Variants in PCDH11X observed in about 807,000 individuals in gnomAD.
PCDH11X encodes the protein protocadherin-11 X-linked.
PCDH11X carries 18 observed loss-of-function variants against 53.3 expected under a neutral mutation model. That is an observed-to-expected ratio of 0.34 (90% CI 0.23 to 0.50). The LOEUF (loss-of-function observed/expected upper bound fraction) is 0.50, where lower values mean the gene tolerates loss of function less well. PCDH11X is among the 20% of genes least tolerant of loss of function. The pLI is 0.98. For synonymous variants in PCDH11X, 279 were observed against 393.3 expected (o/e 0.71, Z 3.44); for missense variants, 570 against 1,032.4 (o/e 0.55, Z 6.14).
At chrX:91,794,576 A>T (rs1414228350) in intron 1 of PCDH11X, among the ~76,000 whole-genome samples, 1 of 111,823 alleles carries the variant, frequency 8.9e-6, no homozygotes, top group Non-Finnish European at 1.9e-5. Flanking sequence ...CAATACACTG[A>T]GGTAAATCAT....
At chrX:92,134,122 T>A (rs1346157176) in intron 6 of PCDH11X, among the ~76,000 whole-genome samples, 1 of 111,533 alleles carries the variant, frequency 9.0e-6, no homozygotes, top group African/African-American at 3.3e-5. Context: ...TAATCATTTA[T>A]GCCTAAGTCT....
intron 8 of PCDH11X, among the ~76,000 whole-genome samples, chrX:92,271,068 A>G (rs1158240983): frequency 8.9e-6 from 1 of 112,124 alleles, no homozygotes; most frequent in Non-Finnish European, 1.9e-5. Context: ...ATAGCCAGAA[A>G]AAAACACCAT....
At chrX:91,983,542 G>A (rs749745929) in intron 6 of PCDH11X, 43 of 485,223 alleles carry the variant, frequency 8.9e-5, no homozygotes, top group Non-Finnish European at 1.4e-4. Flanking sequence ...GCTAGGAGGC[G>A]GCTATGGCCG....
At chrX:92,175,229 G>A (rs1266096174) in intron 6 of PCDH11X, among the ~76,000 whole-genome samples, 3 of 111,260 alleles carry the variant, frequency 2.7e-5, no homozygotes, top group Admixed American at 9.6e-5. Context: ...CACCCGCCTC[G>A]GCCTCCCAAA....
intron 6 of PCDH11X, among the ~76,000 whole-genome samples, chrX:91,969,796 A>G (rs1405435915): frequency 7.4e-5 from 4 of 54,075 alleles, no homozygotes; most frequent in Admixed American, 1.8e-4. Flanking sequence ...CCCTTGTCTC[A>G]AAAAAAAAAA....
At chrX:91,887,793 G>T (rs1265404779) in intron 6 of PCDH11X, among the ~76,000 whole-genome samples, 1 of 110,263 alleles carries the variant, frequency 9.1e-6, no homozygotes, top group Non-Finnish European at 1.9e-5. Context: ...TAAACATATT[G>T]TTTATTTTTA....
rs1331500136 is a variant in PCDH11X, at chrX:91,955,586, AT to A, written c.3033+76316del. Among the ~76,000 whole-genome samples, 5 of 110,776 alleles carry A rather than the reference AT, an allele frequency of 4.5e-5. No individual in the cohort carries two copies. The East Asian group carries it at 1.4e-3, about 32-fold the overall frequency. Reference sequence around the variant, plus strand: ...CATGTAGTTGTGTGGTTTTGAGTGAATTTCATAATCTTGAGTTCTAATTTGA... The same window carrying A: ...CATGTAGTTGTGTGGTTTTGAGTGAATTCATAATCTTGAGTTCTAATTTGA... On this transcript the variant is annotated intron_variant, in intron 6 of 10. Coordinates refer to ENST00000682573, the MANE Select transcript of PCDH11X (RefSeq NM_032968.5).
At chrX:92,476,369 A>G (rs2073386704) in intron 10 of PCDH11X, among the ~76,000 whole-genome samples, 1 of 109,983 alleles carries the variant, frequency 9.1e-6, no homozygotes, top group African/African-American at 3.3e-5. Context: ...TGCATTTTTC[A>G]GTACCAGAAT....
intron 6 of PCDH11X, among the ~76,000 whole-genome samples, chrX:92,056,581 AC>A (rs1341215916): frequency 5.1e-4 from 56 of 110,117 alleles, no homozygotes; most frequent in Non-Finnish European, 9.3e-4. Flanking sequence ...ATTACTTTTG[AC>A]ATCTTTGTCA....
In PCDH11X at chrX:92,418,224, G is replaced by A. The variant is rs2071865259; in HGVS notation, c.3343+30291G>A. Among the ~76,000 whole-genome samples the A allele has an allele frequency of 2.8e-5, 3 of 107,174 alleles. No homozygotes were observed. In the South Asian group the frequency reaches 1.3e-3, roughly 48 times the overall value. The allele number at this position is 107,174 out of a possible 115,157, so 93.1% of individuals were successfully genotyped here. A position where few individuals can be genotyped will look rare whatever the true frequency, so the allele number is the denominator to read the frequency against. ...AGCAATGCGGAATAATTACTATTCA[G>A]TTTTGTTGCTTACTGAGACATAACT... is the stretch of plus-strand genomic sequence containing the variant. On this transcript the variant is annotated intron_variant, in intron 9 of 10. Coordinates refer to ENST00000682573, the MANE Select transcript of PCDH11X (RefSeq NM_032968.5).
intron 6 of PCDH11X, among the ~76,000 whole-genome samples, chrX:91,884,762 T>G (rs2088472424): frequency 9.0e-6 from 1 of 110,726 alleles, no homozygotes; most frequent in Non-Finnish European, 1.9e-5. Flanking sequence ...AAAAAGGGAG[T>G]ACAAAGGACC....
chrX:92,341,731 C>A (rs1186408014), intron 8 of PCDH11X, among the ~76,000 whole-genome samples: 1 of 111,472 alleles, frequency 9.0e-6, no homozygotes, highest in Non-Finnish European at 1.9e-5. Context: ...GATCTAATTA[C>A]TCTCACCAGG....
At chrX:92,290,977 C>T (rs1335116852) in intron 8 of PCDH11X, among the ~76,000 whole-genome samples, 4 of 93,876 alleles carry the variant, frequency 4.3e-5, no homozygotes, top group Admixed American at 3.6e-4. Flanking sequence ...ACATGACTCA[C>T]TGCAGCACTG....
intron 1 of PCDH11X, among the ~76,000 whole-genome samples, chrX:91,781,667 C>CGTGT (rs763838247): frequency 6.5e-5 from 7 of 107,398 alleles, no homozygotes; most frequent in African/African-American, 1.7e-4. Context: ...TGTGTGTGCG[C>CGTGT]GTGTGTGTGT....
At chrX:92,445,557 A>G (rs1298092647) in intron 9 of PCDH11X, among the ~76,000 whole-genome samples, 2 of 110,065 alleles carry the variant, frequency 1.8e-5, no homozygotes, top group Non-Finnish European at 3.8e-5. Context: ...AGTTTTTCAG[A>G]AGAGACCAAG....
intron 1 of PCDH11X, among the ~76,000 whole-genome samples, chrX:91,802,407 T>C (rs1935965614): frequency 8.9e-6 from 1 of 112,054 alleles, no homozygotes; most frequent in Non-Finnish European, 1.9e-5. Context: ...TTGTCTTGTC[T>C]GCTGTGCTTT....
chrX:92,258,139 C>T (rs972042436), intron 7 of PCDH11X, among the ~76,000 whole-genome samples: 18 of 110,931 alleles, frequency 1.6e-4, no homozygotes, highest in Non-Finnish European at 1.3e-4. Context: ...CATCCTGAGC[C>T]CCATTTAGCT....
At chrX:92,015,088 T>C (rs771262896) in intron 6 of PCDH11X, among the ~76,000 whole-genome samples, 1 of 111,751 alleles carries the variant, frequency 8.9e-6, no homozygotes, top group South Asian at 3.7e-4. Context: ...TAAAATAAAA[T>C]AATGTGCGTA....
intron 4 of PCDH11X, among the ~76,000 whole-genome samples, chrX:91,822,590 G>T (rs1936733050): frequency 9.5e-6 from 1 of 104,838 alleles, no homozygotes; most frequent in Admixed American, 1.0e-4. Context: ...CTTGCTAGCA[G>T]TCTATCAATT....
Sources: gnomAD v4.1 joint callset for allele counts (sites outside exome capture counted in the v4.1 genomes callset) on GRCh38, gnomAD v4.1.1 for gene constraint, MANE v1.5 for transcripts, NCBI Gene and HGNC (gene_info 2026-07-23, HGNC 2026-07-21) for gene names.